The following OTOGL variants were observed in gnomAD, a reference collection of about 807,000 sequenced individuals.
OTOGL encodes the protein otogelin like, also known as otogelin-like protein.
A neutral mutation model predicts 318.5 loss-of-function variants in OTOGL; 285 were observed. The observed-to-expected ratio is 0.89, with a 90% CI of 0.81 to 0.99. The LOEUF (loss-of-function observed/expected upper bound fraction) is 0.99, where lower values mean the gene tolerates loss of function less well. Among genes scored for constraint, OTOGL ranks in the 50% least tolerant of loss-of-function variants. The pLI is 0.00. For synonymous variants in OTOGL, 987 were observed against 936.5 expected (o/e 1.05, Z -0.99); for missense variants, 2,899 against 2,845.6 (o/e 1.02, Z -0.43).
chr12:80,284,176 G>C (rs1039216366), intron 26 of OTOGL, among the ~76,000 whole-genome samples: 1 of 152,060 alleles, frequency 6.6e-6, no homozygotes, highest in Non-Finnish European at 1.5e-5. Flanking sequence ...ATGGTATCCA[G>C]CTTCATCCAT....
At chr12:80,300,639 C>A (rs531740331) in intron 27 of OTOGL, among the ~76,000 whole-genome samples, 2 of 152,268 alleles carry the variant, frequency 1.3e-5, no homozygotes, top group East Asian at 3.9e-4. Context: ...ATTGTGCTGT[C>A]TTAAATGCCT....
chr12:80,230,609 C>G (rs1223784812), intron 8 of OTOGL, among the ~76,000 whole-genome samples: 1 of 152,074 alleles, frequency 6.6e-6, no homozygotes. Context: ...TCAGAGAAAG[C>G]ATTTCTATGA....
intron 44 of OTOGL, among the ~76,000 whole-genome samples, chr12:80,345,669 G>A (rs1412271749): frequency 6.6e-6 from 1 of 151,816 alleles, no homozygotes; most frequent in African/African-American, 2.4e-5. Flanking sequence ...TCACAAAATT[G>A]GCTTATTTTG....
rs550252836 is a variant in OTOGL at position 80,149,889 on chromosome 12, G to A, written c.-20+50284G>A. Among the ~76,000 whole-genome samples the A allele has an allele frequency of 9.2e-5, 14 of 152,288 alleles. 1 individual carries two copies. In the East Asian group the frequency reaches 2.7e-3, roughly 29 times the overall value. On this transcript the variant is annotated intron_variant, in intron 1 of 58. Transcript: ENST00000547103. ...TGACCCCTTGCACTTCCCGAGTGAG[G>A]CAATGCCTCACCCTGCTTCGGCTCA... is the stretch of plus-strand genomic sequence containing the variant.
chr12:80,274,495 G>A (rs752642204), intron 24 of OTOGL, among the ~76,000 whole-genome samples: 6 of 152,038 alleles, frequency 3.9e-5, no homozygotes, highest in Non-Finnish European at 7.4e-5. Flanking sequence ...GGCTTATGGA[G>A]TTTAAGAAAA....
At chr12:80,220,612 CTTTTT>C (rs34021968) in intron 6 of OTOGL, among the ~76,000 whole-genome samples, 1 of 118,980 alleles carries the variant, frequency 8.4e-6, no homozygotes, top group Non-Finnish European at 1.8e-5. Context: ...AGGGCAAGGG[CTTTTT>C]TTTTTTTTTT....
intron 7 of OTOGL, among the ~76,000 whole-genome samples, chr12:80,222,820 A>T (rs1432867883): frequency 6.6e-6 from 1 of 152,172 alleles, no homozygotes; most frequent in African/African-American, 2.4e-5. Context: ...AATCTCTGTT[A>T]TGCTTTCCCT....
chr12:80,151,739 C>T (rs189089681), intron 1 of OTOGL, among the ~76,000 whole-genome samples: 1 of 152,154 alleles, frequency 6.6e-6, no homozygotes, highest in East Asian at 1.9e-4. Context: ...GAAGAGTCAA[C>T]TAGTTACTGA....
At chr12:80,352,827 C>T (rs10778728) in intron 45 of OTOGL, among the ~76,000 whole-genome samples, 14 of 152,064 alleles carry the variant, frequency 9.2e-5, no homozygotes. Flanking sequence ...CATTCATTGA[C>T]AATCCACAAG....
Position 80,262,041 on chromosome 12 carries a change from T to A in OTOGL, c.1962T>A (p.Phe654Leu), listed in dbSNP as rs753855236. Residue 654 changes from phenylalanine to leucine, a missense_variant, in exon 19 of 59, where the codon TTT (phenylalanine) becomes TTA (leucine). Around this residue, in one of 3 missense-constraint regions of OTOGL, gnomAD observed 2,607 missense variants for 2,524.9 expected, o/e 1.03. Coordinates refer to ENST00000547103, the MANE Select transcript of OTOGL (RefSeq NM_001378609.3). Reference sequence around the variant, plus strand: ...CGTGGAGAGTTTCTTCTACCTGTTTTGCACCTGTTCATGTCCCAGTGGTGG... The same window carrying A: ...CGTGGAGAGTTTCTTCTACCTGTTTAGCACCTGTTCATGTCCCAGTGGTGG... The part of the protein sequence containing the change: ...ANAWRVSSTC[F>L]APVHVPVVDP... 5.6e-6 allele frequency: 9 copies of A among 1,613,160 alleles called. No individual in the cohort carries two copies. The Middle Eastern group carries it at 6.6e-4, about 118-fold the overall frequency.
intron 58 of OTOGL, among the ~76,000 whole-genome samples, chr12:80,377,429 T>G (rs1891228861): frequency 6.6e-6 from 1 of 152,166 alleles, no homozygotes; most frequent in African/African-American, 2.4e-5. Flanking sequence ...GGGATAGAAA[T>G]TGAATCTAAA....
chr12:80,200,636 G>A (rs146322877), intron 1 of OTOGL, among the ~76,000 whole-genome samples: 163 of 152,298 alleles, frequency 1.1e-3, no homozygotes, highest in Non-Finnish European at 1.8e-3. Context: ...AGTTAGCTTC[G>A]TCTATTGGAT....
chr12:80,219,804 T>TTC lies in OTOGL; in HGVS notation c.236-10_236-9insTC, dbSNP rs1555278777. 24 of 1,500,566 alleles carry TTC rather than the reference T, an allele frequency of 1.6e-5. No individual in the cohort carries two copies. The highest frequency in any genetic ancestry group is 8.4e-5 in the African/African-American group (6 of 71,676). The allele number at this position is 1,500,566 out of a possible 1,614,324, so 93.0% of individuals were successfully genotyped here. A position where few individuals can be genotyped will look rare whatever the true frequency, so the allele number is the denominator to read the frequency against. On this transcript the variant is annotated splice_polypyrimidine_tract_variant and intron_variant, in intron 5 of 58. Transcript: ENST00000547103. ...CCAGAAGATAACTTTTTTTTTTTTT[T>TTC]CCCCCTCAGGTTCTTGTCCTTATGA...
rs537594205 is a variant in OTOGL, at chr12:80,256,872, G to A, written c.1711+412G>A. On this transcript the variant is annotated intron_variant, in intron 17 of 58. Coordinates refer to ENST00000547103, the MANE Select transcript of OTOGL (RefSeq NM_001378609.3). The stretch of plus-strand genomic sequence containing the variant: ...TGTCTCATTGAGCATTTAAGGATGA[G>A]GAATTGCTGGGTTGAAGGGGATGGG... Among the ~76,000 whole-genome samples the A allele has an allele frequency of 3.5e-4, 53 of 152,194 alleles. No individual in the cohort carries two copies. In the South Asian group the frequency reaches 4.4e-3, roughly 13 times the overall value.
intron 1 of OTOGL, among the ~76,000 whole-genome samples, chr12:80,118,934 G>A (rs1449228827): frequency 6.6e-6 from 1 of 151,330 alleles, no homozygotes; most frequent in East Asian, 1.9e-4. Context: ...TATTAAGCAA[G>A]GTTTCTGGTT....
At chr12:80,309,337 G>C (rs925533553) in intron 29 of OTOGL, among the ~76,000 whole-genome samples, 2 of 152,150 alleles carry the variant, frequency 1.3e-5, no homozygotes, top group East Asian at 1.9e-4. Flanking sequence ...TCCAAGAAAG[G>C]TTCCTGGAGA....
chr12:80,143,129 T>C (rs1872064250), intron 1 of OTOGL, among the ~76,000 whole-genome samples: 1 of 152,142 alleles, frequency 6.6e-6, no homozygotes, highest in Non-Finnish European at 1.5e-5. Context: ...CATGAGGCTT[T>C]TTATAGTCTT....
chr12:80,111,976 T>A (rs1869868296), intron 1 of OTOGL, among the ~76,000 whole-genome samples: 1 of 152,202 alleles, frequency 6.6e-6, no homozygotes, highest in Non-Finnish European at 1.5e-5. Context: ...CCTTGTAAGT[T>A]GTATTCCTAG....
At chr12:80,172,284 A>C (rs1874252605) in intron 1 of OTOGL, among the ~76,000 whole-genome samples, 1 of 139,520 alleles carries the variant, frequency 7.2e-6, no homozygotes, top group South Asian at 2.2e-4. Context: ...CATAATAGGA[A>C]GTGATACCTC....
Sources: gnomAD v4.1 joint callset for allele counts (sites outside exome capture counted in the v4.1 genomes callset) on GRCh38, gnomAD v4.1.1 for gene constraint, gnomAD v4.1.1 regional missense constraint, MANE v1.5 for transcripts, NCBI Gene and HGNC (gene_info 2026-07-23, HGNC 2026-07-21) for gene names.